The following TSPAN12 variants were observed in gnomAD, a reference collection of about 807,000 sequenced individuals.
TSPAN12 encodes the protein tetraspanin 12.
A neutral mutation model predicts 39.2 loss-of-function variants in TSPAN12; 19 were observed. The ratio of observed to expected loss-of-function variants is 0.49; its 90% CI spans 0.34 to 0.71. The LOEUF is 0.71. Among genes scored for constraint, TSPAN12 ranks in the 30% least tolerant of loss-of-function variants. The probability of loss-of-function intolerance (pLI) is 0.01; values close to 1 mark genes in which losing one functional copy is unlikely to be tolerated. For missense variants in TSPAN12, 314 were observed against 359.9 expected (o/e 0.87, Z 1.03); for synonymous variants, 119 against 124.8 (o/e 0.95, Z 0.31).
chr7:120,810,385 A>C, intron 6 of TSPAN12, 78 bp downstream of exon 6: 1 of 938,272 alleles, frequency 1.1e-6, no homozygotes, highest in Non-Finnish European at 1.8e-6. Flanking sequence ...GAAATTACCA[A>C]AGCTAAAGCT....
chr7:120,791,534 C>T (rs1793523390), intron 7 of TSPAN12, among the ~76,000 whole-genome samples: 1 of 152,116 alleles, frequency 6.6e-6, no homozygotes, highest in Non-Finnish European at 1.5e-5. Flanking sequence ...GATTTTTACC[C>T]TTTCAATAGT....
At chr7:120,833,946 TG>T (rs1362368928) in intron 4 of TSPAN12, among the ~76,000 whole-genome samples, 1 of 152,164 alleles carries the variant, frequency 6.6e-6, no homozygotes, top group African/African-American at 2.4e-5. Flanking sequence ...TCTCTGTTAA[TG>T]GGAGAAGGAA....
intron 5 of TSPAN12, among the ~76,000 whole-genome samples, chr7:120,813,772 A>C (rs1268998747): frequency 6.6e-6 from 1 of 152,248 alleles, no homozygotes; most frequent in African/African-American, 2.4e-5. Context: ...GAAAAAAATA[A>C]GAGAGACAAT....
intron 2 of TSPAN12, among the ~76,000 whole-genome samples, chr7:120,849,965 A>C (rs1339109471): frequency 1.3e-5 from 2 of 152,324 alleles, no homozygotes; most frequent in African/African-American, 4.8e-5. Flanking sequence ...GGTGAGTCAC[A>C]CGTGTGTTTC....
chr7:120,796,779 A>C (rs1437651651), intron 7 of TSPAN12, among the ~76,000 whole-genome samples: 1 of 152,062 alleles, frequency 6.6e-6, no homozygotes, highest in Non-Finnish European at 1.5e-5. Context: ...CACTGATGAC[A>C]CCCGTGTAAA....
At chr7:120,811,680 AAAAG>A (rs1374272920) in intron 5 of TSPAN12, among the ~76,000 whole-genome samples, 11 of 151,874 alleles carry the variant, frequency 7.2e-5, no homozygotes, top group African/African-American at 2.7e-4. Flanking sequence ...AAAAAAAAAA[AAAAG>A]AAAAGAAAAT....
chr7:120,795,472 C>A (rs754651137), intron 7 of TSPAN12, among the ~76,000 whole-genome samples: 21 of 152,204 alleles, frequency 1.4e-4, no homozygotes, highest in Non-Finnish European at 7.3e-5. Flanking sequence ...TGAAATTATT[C>A]TCTGATCTAT....
At chr7:120,818,694 T>A (rs1194986308) in intron 4 of TSPAN12, among the ~76,000 whole-genome samples, 2 of 152,100 alleles carry the variant, frequency 1.3e-5, no homozygotes, top group African/African-American at 4.8e-5. Context: ...AGCTTCAAAA[T>A]AAGTGTTGGT....
chr7:120,813,282 C>T (rs1794017025), intron 5 of TSPAN12, among the ~76,000 whole-genome samples: 1 of 152,152 alleles, frequency 6.6e-6, no homozygotes, highest in Admixed American at 6.6e-5. Context: ...TTACACTTCA[C>T]TTTTAAACAG....
chr7:120,808,487 A>C (rs1203195361), intron 6 of TSPAN12, among the ~76,000 whole-genome samples: 3 of 152,028 alleles, frequency 2.0e-5, no homozygotes, highest in African/African-American at 7.2e-5. Flanking sequence ...TACTCTTGCT[A>C]ATGTGTCAAG....
intron 2 of TSPAN12, among the ~76,000 whole-genome samples, chr7:120,851,301 T>C (rs1326087256): frequency 2.6e-5 from 4 of 152,198 alleles, no homozygotes; most frequent in African/African-American, 9.6e-5. Context: ...CTGCCACGCA[T>C]ATATCTCAAA....
chr7:120,814,617 T>C (rs780926810), intron 5 of TSPAN12, among the ~76,000 whole-genome samples: 4 of 152,302 alleles, frequency 2.6e-5, no homozygotes, highest in Non-Finnish European at 5.9e-5. Context: ...AATGCACTAA[T>C]TTCCCTCAAT....
At position 120,856,697 on chromosome 7, in the gene TSPAN12, C is replaced by A; in HGVS notation, c.66+1G>T. On this transcript the variant is annotated splice_donor_variant, in intron 2 of 7. Coordinates refer to ENST00000222747, the MANE Select transcript of TSPAN12 (RefSeq NM_012338.4). LOFTEE classifies it high-confidence loss of function. ...CTGTTGGTGCAGTGAAACTTACTTA[C>A]CCAAAAGAGCAGATTGAGGGCGTAG... is the stretch of plus-strand genomic sequence containing the variant. The A allele has an allele frequency of 6.2e-7, 1 of 1,614,196 alleles. No homozygotes were observed. The highest frequency in any genetic ancestry group is 8.5e-7 in the Non-Finnish European group (1 of 1,180,030).
chr7:120,815,417 C>T (rs2116386656), intron 5 of TSPAN12, among the ~76,000 whole-genome samples: 1 of 152,242 alleles, frequency 6.6e-6, no homozygotes, highest in South Asian at 2.1e-4. Flanking sequence ...GGCAGTTTCC[C>T]TCACGCTGTT....
rs1223062641 is a variant in TSPAN12, at chr7:120,847,881, A to G, written c.67-7772T>C. ...CTACCATTTATTTCGTCTTCCCTCAACTGCCTCTGAGAGAACAAAGTTTAA... is the reference window on the plus strand; with the variant it reads ...CTACCATTTATTTCGTCTTCCCTCAGCTGCCTCTGAGAGAACAAAGTTTAA... On this transcript the variant is annotated intron_variant, in intron 2 of 7. Transcript: ENST00000222747. Among the ~76,000 whole-genome samples the G allele has an allele frequency of 8.5e-5, 13 of 152,226 alleles. No homozygotes were observed. In the East Asian group the frequency reaches 2.5e-3, roughly 29 times the overall value.
At chr7:120,853,471 G>GATAGATAT (rs1417138657) in intron 2 of TSPAN12, among the ~76,000 whole-genome samples, 27 of 138,146 alleles carry the variant, frequency 2.0e-4, no homozygotes, top group African/African-American at 6.5e-4. Context: ...AAGAAATGCA[G>GATAGATAT]ATATATATAT....
Position 120,815,710 on chromosome 7 carries a change from A to G in TSPAN12, c.360+19T>C. 14 of 1,602,236 alleles carry G rather than the reference A, an allele frequency of 8.7e-6. No individual in the cohort carries two copies. Among genetic ancestry groups the G allele is most frequent in the Admixed American group, 1.7e-5 (1 of 59,640 alleles). ...TGAACTGTTGTTTTAGATTGTGATTATATCTATTTTGAACTCACCATAAGT... is the reference window on the plus strand; with the variant it reads ...TGAACTGTTGTTTTAGATTGTGATTGTATCTATTTTGAACTCACCATAAGT... On this transcript the variant is annotated intron_variant, in intron 5 of 7. Transcript: ENST00000222747.
chr7:120,810,324 A>G, intron 6 of TSPAN12, 139 bp downstream of exon 6: 1 of 668,022 alleles, frequency 1.5e-6, no homozygotes, highest in Admixed American at 2.3e-5. Flanking sequence ...TTTTCAAGAA[A>G]TAATTGCACC....
intron 3 of TSPAN12, among the ~76,000 whole-genome samples, chr7:120,839,652 TGTG>T (rs766024714): frequency 1.3e-5 from 2 of 152,128 alleles, no homozygotes; most frequent in East Asian, 3.9e-4. Context: ...AAAAAATCAT[TGTG>T]GTGTATGGTT....
Sources: allele counts gnomAD v4.1 joint callset (sites outside exome capture counted in the v4.1 genomes callset), GRCh38; gene constraint gnomAD v4.1.1; transcripts MANE v1.5; gene names NCBI Gene and HGNC (gene_info 2026-07-23, HGNC 2026-07-21).